IL5: variants seen among roughly 807,000 people sequenced by gnomAD.
IL5 encodes the protein interleukin 5, also known as interleukin-5.
IL5 carries 12 observed loss-of-function variants against 16.3 expected under a neutral mutation model. The observed-to-expected ratio is 0.74, with a 90% CI of 0.47 to 1.20. IL5 has a LOEUF of 1.20. IL5 is among the 50% of genes most tolerant of loss of function. The pLI, the probability that IL5 is intolerant of heterozygous loss-of-function variation, is 0.00. For missense variants in IL5, 159 were observed against 153.9 expected, an observed-to-expected ratio of 1.03 and a Z score of -0.17; for synonymous variants, 54 against 56.6, an observed-to-expected ratio of 0.95 and a Z score of 0.21.
At chr5:132,551,417 G>C (rs1321222611) in intron 1 of IL5, among the ~76,000 whole-genome samples, 3 of 152,202 alleles carry the variant, frequency 2.0e-5, no homozygotes, top group Admixed American at 1.3e-4. Flanking sequence ...TGGCCAGGCT[G>C]TGTGGAGTTT....
At chr5:132,549,982 CAT>C (rs1260039146) in intron 1 of IL5, among the ~76,000 whole-genome samples, 5 of 152,196 alleles carry the variant, frequency 3.3e-5, no homozygotes, top group Non-Finnish European at 2.9e-5. Context: ...CTTACCAACA[CAT>C]AGACAGTTTT....
At chr5:132,543,065 T>C in intron 2 of IL5, 29 bp downstream of exon 2, 1 of 1,498,476 alleles carries the variant, frequency 6.7e-7, no homozygotes, top group African/African-American at 1.4e-5. Context: ...ATTCATGCCA[T>C]CATTTTACTG....
intron 1 of IL5, among the ~76,000 whole-genome samples, chr5:132,555,381 T>C (rs1418555825): frequency 1.3e-5 from 2 of 152,202 alleles, no homozygotes; most frequent in Non-Finnish European, 2.9e-5. Context: ...TGTCAGGGTT[T>C]GGAGGATGTG....
chr5:132,541,945 G>A (rs779494931), intron 3 of IL5, 36 bp from the exon 4 acceptor site: 6 of 1,611,092 alleles, frequency 3.7e-6, no homozygotes, highest in Non-Finnish European at 5.1e-6. Context: ...GGTATTACAG[G>A]AAACTGTCAA....
intron 1 of IL5, among the ~76,000 whole-genome samples, chr5:132,548,642 TGTGA>T (rs1298065314): frequency 6.6e-6 from 1 of 152,172 alleles, no homozygotes; most frequent in African/African-American, 2.4e-5. Context: ...AGTCCCAGTC[TGTGA>T]GTGTGTGTGT....
upstream of IL5, among the ~76,000 whole-genome samples, chr5:132,547,069 G>A (rs1373654363): frequency 6.6e-6 from 1 of 152,126 alleles, no homozygotes; most frequent in East Asian, 1.9e-4. Context: ...CCAAATAAAA[G>A]TTAATGATTT....
At chr5:132,552,276 A>AAACAAC (rs879370390) in intron 1 of IL5, among the ~76,000 whole-genome samples, 1 of 152,112 alleles carries the variant, frequency 6.6e-6, no homozygotes, top group Non-Finnish European at 1.5e-5. Flanking sequence ...TCAAAAACAA[A>AAACAAC]AACAACAACA....
Position 132,541,740 on chromosome 5 carries a change from G to T in IL5, c.*71C>A. On this transcript the variant is annotated 3_prime_UTR_variant, in exon 4 of 4. Coordinates refer to ENST00000231454, the MANE Select transcript of IL5 (RefSeq NM_000879.3). ...GAAAATTAAGGCCTGACTCTTTCTT[G>T]GCCCTCATTCTCACTGCAGTAAAAT... The T allele has an allele frequency of 1.1e-6, 1 of 901,406 alleles. No homozygotes were observed. Among genetic ancestry groups the T allele is most frequent in the Non-Finnish European group, 1.8e-6 (1 of 561,392 alleles). 55.8% of individuals were successfully genotyped at this position (901,406 alleles called of 1,614,324 possible). A position where few individuals can be genotyped will look rare whatever the true frequency, so the allele number is the denominator to read the frequency against.
chr5:132,542,721 C>A (rs1749717727), intron 2 of IL5, among the ~76,000 whole-genome samples: 1 of 152,110 alleles, frequency 6.6e-6, no homozygotes, highest in South Asian at 2.1e-4. Context: ...GTCTACTGAT[C>A]ATGGTTCTAA....
chr5:132,546,736 G>A (rs1357409365), upstream of IL5, among the ~76,000 whole-genome samples: 3 of 152,112 alleles, frequency 2.0e-5, no homozygotes, highest in African/African-American at 7.2e-5. Context: ...ATTTGAAAGA[G>A]CTTTATTGGC....
upstream of IL5, among the ~76,000 whole-genome samples, chr5:132,545,044 TTTTCCTTGAGAAATG>T (rs1232153022): frequency 6.6e-6 from 1 of 152,180 alleles, no homozygotes; most frequent in African/African-American, 2.4e-5. Flanking sequence ...TTGAGAAATG[TTTTCCTTGAGAAATG>T]TTTCCTTGAG....
chr5:132,551,331 G>C (rs145621792), intron 1 of IL5, among the ~76,000 whole-genome samples: 84 of 152,310 alleles, frequency 5.5e-4, no homozygotes, highest in African/African-American at 1.9e-3. Flanking sequence ...AACATAGGAA[G>C]TTTGGATGCA....
intron 1 of IL5, 26 bp downstream of exon 1, chr5:132,543,309 A>T (rs1388360749): frequency 6.3e-7 from 1 of 1,598,646 alleles, no homozygotes; most frequent in South Asian, 1.1e-5. Flanking sequence ...CACTTTACAG[A>T]CTGTAGGAAT....
rs558893932 is a variant in IL5 at position 132,549,297 on chromosome 5, G to A, written c.43-6171C>T. Among the ~76,000 whole-genome samples, 121 of 152,094 alleles carry A rather than the reference G, an allele frequency of 8.0e-4. 1 individual carries two copies. Among genetic ancestry groups the A allele is most frequent in the Admixed American group, 1.2e-3 (19 of 15,264 alleles). ...TCTCAAACTCCTGACCTCGTGATCC[G>A]CCCGCCTCGGCCTCCCAAAGTGCTG... On this transcript the variant is annotated intron_variant, in intron 1 of 2. Coordinates refer to the IL5 transcript ENST00000450655.
chr5:132,543,036 T>C lies in IL5; in HGVS notation c.177+58A>G. 6.1e-6 allele frequency: 8 copies of C among 1,307,058 alleles called. No homozygotes were observed. The South Asian group carries it at 9.7e-5, about 16-fold the overall frequency. The allele number at this position is 1,307,058 out of a possible 1,614,324, so 81.0% of individuals were successfully genotyped here. ...CAATGATAACTAATGATTTACAGCT[T>C]AAAACAGGAAATTTACTTATTCATG... On this transcript the variant is annotated intron_variant, in intron 2 of 3. Transcript: ENST00000231454.
At chr5:132,542,977 A>G (rs1258923438) in intron 2 of IL5, 117 bp downstream of exon 2, 1 of 743,452 alleles carries the variant, frequency 1.3e-6, no homozygotes, top group Non-Finnish European at 2.3e-6. Context: ...ACAGCCACCC[A>G]TATGAAAACA....
At position 132,551,617 on chromosome 5, in the gene IL5, G is replaced by A. The variant is rs537072840; in HGVS notation, c.42+5057C>T. 1.5e-4 allele frequency among the ~76,000 whole-genome samples: 23 copies of A among 152,192 alleles called. No individual in the cohort carries two copies. The South Asian group carries it at 3.1e-3, about 21-fold the overall frequency. On this transcript the variant is annotated intron_variant, in intron 1 of 2. Coordinates refer to the IL5 transcript ENST00000450655. ...CCTGTTCAGGGTTGGTGCCCACCTCGCACCCTGAGCTGATGGGAAAAGCTC... is the reference window on the plus strand; with the variant it reads ...CCTGTTCAGGGTTGGTGCCCACCTCACACCCTGAGCTGATGGGAAAAGCTC...
At chr5:132,544,714 T>C (rs1749756972), upstream of IL5, among the ~76,000 whole-genome samples, 2 of 152,222 alleles carry the variant, frequency 1.3e-5, no homozygotes, top group South Asian at 4.1e-4. Flanking sequence ...TTGTTTTTAA[T>C]AGAGTGCTTC....
At chr5:132,545,054 G>C (rs997390337), upstream of IL5, among the ~76,000 whole-genome samples, 2 of 152,174 alleles carry the variant, frequency 1.3e-5, no homozygotes, top group East Asian at 3.8e-4. Context: ...TTTTCCTTGA[G>C]AAATGTTTCC....
Sources: allele counts gnomAD v4.1 joint callset (sites outside exome capture counted in the v4.1 genomes callset), GRCh38; gene constraint gnomAD v4.1.1; transcripts MANE v1.5; gene names NCBI Gene and HGNC (gene_info 2026-07-23, HGNC 2026-07-21).